The following SLC24A3 variants were observed in gnomAD, a reference collection of about 807,000 sequenced individuals.
SLC24A3 encodes the protein solute carrier family 24 member 3, also known as sodium/potassium/calcium exchanger 3.
Under a neutral mutation model 75.8 loss-of-function variants are expected in SLC24A3, and 28 were observed. The observed-to-expected ratio is 0.37, with a 90% CI of 0.27 to 0.51. The LOEUF (loss-of-function observed/expected upper bound fraction) is 0.51. Among genes scored for constraint, SLC24A3 ranks in the 20% least tolerant of loss-of-function variants. SLC24A3 has a pLI of 0.94. For synonymous variants in SLC24A3, 372 were observed against 334.1 expected (o/e 1.11, Z -1.24); for missense variants, 663 against 847.8 (o/e 0.78, Z 2.71).
intron 6 of SLC24A3, among the ~76,000 whole-genome samples, chr20:19,630,290 T>C (rs1298429449): frequency 6.6e-6 from 1 of 152,238 alleles, no homozygotes; most frequent in Non-Finnish European, 1.5e-5. Flanking sequence ...ATCTGTTTAA[T>C]AATCACATTA....
At chr20:19,644,089 A>G (rs1023928112) in intron 6 of SLC24A3, among the ~76,000 whole-genome samples, 1 of 152,168 alleles carries the variant, frequency 6.6e-6, no homozygotes, top group Non-Finnish European at 1.5e-5. Flanking sequence ...TTGCTGCTCA[A>G]AATAGATGAA....
chr20:19,687,671 GA>G (rs2032693867), intron 12 of SLC24A3, among the ~76,000 whole-genome samples: 1 of 152,342 alleles, frequency 6.6e-6, no homozygotes, highest in African/African-American at 2.4e-5. Flanking sequence ...CCCTCCAGGG[GA>G]CAATGAAAGA....
chr20:19,688,929 T>C (rs1489706151), intron 12 of SLC24A3, among the ~76,000 whole-genome samples: 2 of 152,146 alleles, frequency 1.3e-5, no homozygotes, highest in Non-Finnish European at 1.5e-5. Flanking sequence ...TATTAACATA[T>C]TTATGTTTAT....
intron 2 of SLC24A3, among the ~76,000 whole-genome samples, chr20:19,483,643 G>A (rs940996790): frequency 1.3e-5 from 2 of 152,194 alleles, no homozygotes; most frequent in East Asian, 3.8e-4. Context: ...ACTGTGAACA[G>A]GAAAAAAGCT....
chr20:19,252,890 A>C (rs1204396598), intron 1 of SLC24A3, among the ~76,000 whole-genome samples: 1 of 152,250 alleles, frequency 6.6e-6, no homozygotes, highest in Non-Finnish European at 1.5e-5. Flanking sequence ...CTAAAGAGAC[A>C]CATAGAAGAG....
At chr20:19,718,536 A>G (rs941440456) in intron 16 of SLC24A3, among the ~76,000 whole-genome samples, 11 of 152,212 alleles carry the variant, frequency 7.2e-5, no homozygotes, top group Non-Finnish European at 1.5e-5. Context: ...TGAGGCCTAG[A>G]GGAGCTAATT....
chr20:19,508,023 G>A (rs528886471), intron 2 of SLC24A3, among the ~76,000 whole-genome samples: 2 of 152,304 alleles, frequency 1.3e-5, no homozygotes, highest in South Asian at 2.1e-4. Context: ...ACAAGAAAAT[G>A]CCTACAGTGT....
chr20:19,286,968 A>G (rs1313890703), intron 2 of SLC24A3, among the ~76,000 whole-genome samples: 1 of 152,266 alleles, frequency 6.6e-6, no homozygotes, highest in African/African-American at 2.4e-5. Context: ...TAATTCTCAT[A>G]ATGATTCAAA....
intron 8 of SLC24A3, among the ~76,000 whole-genome samples, chr20:19,671,999 T>C (rs969266768): frequency 6.6e-6 from 1 of 152,094 alleles, no homozygotes; most frequent in Non-Finnish European, 1.5e-5. Flanking sequence ...GAGGGTTTTA[T>C]GAAGCGGGGC....
intron 1 of SLC24A3, among the ~76,000 whole-genome samples, chr20:19,234,974 G>T (rs929323686): frequency 6.6e-6 from 1 of 152,206 alleles, no homozygotes; most frequent in African/African-American, 2.4e-5. Context: ...GAAGCTGTTG[G>T]CATTGTTTCT....
chr20:19,312,592 G>GTA (rs1165792980), intron 2 of SLC24A3, among the ~76,000 whole-genome samples: 8 of 152,138 alleles, frequency 5.3e-5, no homozygotes, highest in African/African-American at 1.7e-4. Context: ...TCATTCACAA[G>GTA]TATATATATA....
chr20:19,550,321 C>T (rs2030670688), intron 3 of SLC24A3, among the ~76,000 whole-genome samples: 1 of 152,100 alleles, frequency 6.6e-6, no homozygotes, highest in Admixed American at 6.5e-5. Context: ...ATTTGTTCTA[C>T]TAATGTGTCA....
intron 2 of SLC24A3, among the ~76,000 whole-genome samples, chr20:19,431,720 TC>T (rs1165522250): frequency 4.7e-5 from 5 of 106,618 alleles, no homozygotes; most frequent in Non-Finnish European, 3.6e-5. Context: ...TAGATTCACT[TC>T]AAAAAAAAAA....
At chr20:19,266,573 T>G (rs1323377165) in intron 1 of SLC24A3, among the ~76,000 whole-genome samples, 1 of 152,242 alleles carries the variant, frequency 6.6e-6, no homozygotes, top group Non-Finnish European at 1.5e-5. Context: ...TAAATTGGAC[T>G]GTTTATCCAA....
rs181804261 is a variant in SLC24A3, at chr20:19,523,061, G to A, written c.348+7497G>A. On this transcript the variant is annotated intron_variant, in intron 3 of 16. Coordinates refer to ENST00000328041, the MANE Select transcript of SLC24A3 (RefSeq NM_020689.4). ...ACCCAAAAAATCCTGCCAAAAGACC[G>A]TTAAAACTGACGAACAAATTCAGTA... 6.6e-5 allele frequency among the ~76,000 whole-genome samples: 10 copies of A among 152,218 alleles called. No homozygotes were observed. The East Asian group carries it at 7.7e-4, about 12-fold the overall frequency.
At chr20:19,578,945 C>G (rs1325654803) in intron 3 of SLC24A3, among the ~76,000 whole-genome samples, 1 of 152,088 alleles carries the variant, frequency 6.6e-6, no homozygotes, top group African/African-American at 2.4e-5. Context: ...AATGAGGGCT[C>G]CCAGCTTCCT....
chr20:19,648,414 T>A (rs1203228417), intron 6 of SLC24A3, among the ~76,000 whole-genome samples: 1 of 152,236 alleles, frequency 6.6e-6, no homozygotes, highest in Non-Finnish European at 1.5e-5. Context: ...TTATGTTTTA[T>A]GTTGTGTAAC....
chr20:19,576,382 G>A (rs1017403657), intron 3 of SLC24A3, among the ~76,000 whole-genome samples: 5 of 152,060 alleles, frequency 3.3e-5, no homozygotes. Flanking sequence ...TTCTTCCTTT[G>A]TTCTCTTTGC....
intron 15 of SLC24A3, among the ~76,000 whole-genome samples, chr20:19,710,559 G>C (rs1036939297): frequency 1.3e-5 from 2 of 152,210 alleles, no homozygotes; most frequent in Non-Finnish European, 2.9e-5. Context: ...TGCCTCACAT[G>C]CTCTCAGATC....
Sources: gnomAD v4.1 joint callset for allele counts (sites outside exome capture counted in the v4.1 genomes callset) on GRCh38, gnomAD v4.1.1 for gene constraint, MANE v1.5 for transcripts, NCBI Gene and HGNC (gene_info 2026-07-23, HGNC 2026-07-21) for gene names.